Variants in GNG12 observed in about 807,000 individuals in gnomAD.
The protein encoded by GNG12 is guanine nucleotide-binding protein G(I)/G(S)/G(O) subunit gamma-12.
For synonymous variants in GNG12, 28 were observed against 29.7 expected, an observed-to-expected ratio of 0.94 and a Z score of 0.19; for missense variants, 69 against 83.8, an observed-to-expected ratio of 0.82 and a Z score of 0.69.
rs1646219330 is a variant in GNG12, at chr1:67,702,165, A to G, written c.*3286T>C. 6.6e-6 allele frequency: 1 copy of G among 152,222 alleles called. No homozygotes were observed. Among genetic ancestry groups the G allele is most frequent in the Non-Finnish European group, 1.5e-5 (1 of 68,050 alleles). 9.4% of individuals were successfully genotyped at this position (152,222 alleles called of 1,614,324 possible). A position where few individuals can be genotyped will look rare whatever the true frequency, so the allele number is the denominator to read the frequency against. On this transcript the variant is annotated 3_prime_UTR_variant, in exon 4 of 4. Transcript: ENST00000370982. ...CTCTATTTTAACATACAGATATAAG[A>G]TTCTATTTGATTTGATGTATTTTTT...
chr1:67,753,505 G>A lies in GNG12; in HGVS notation c.-27+23953C>T, dbSNP rs1037451580. Reference sequence around the variant, plus strand: ...GACTGGAGGAAATTTACTTCATAAAGTAAGGAGTGGTGGGCAGGCCAGCCA... The same window carrying A: ...GACTGGAGGAAATTTACTTCATAAAATAAGGAGTGGTGGGCAGGCCAGCCA... On this transcript the variant is annotated intron_variant, in intron 2 of 3. Transcript: ENST00000370982. Among the ~76,000 whole-genome samples the A allele has an allele frequency of 3.9e-5, 6 of 152,182 alleles. No homozygotes were observed. The South Asian group carries it at 1.2e-3, about 32-fold the overall frequency.
chr1:67,779,924 C>G (rs1364671656), intron 1 of GNG12, among the ~76,000 whole-genome samples: 1 of 152,076 alleles, frequency 6.6e-6, no homozygotes, highest in African/African-American at 2.4e-5. Context: ...CTGTAGGCAA[C>G]TATAACACAA....
chr1:67,705,974 T>C (rs898056624), intron 3 of GNG12, among the ~76,000 whole-genome samples: 23 of 152,202 alleles, frequency 1.5e-4, no homozygotes, highest in African/African-American at 4.8e-4. Context: ...AAAAATGGAC[T>C]GTGTGTGAGG....
chr1:67,760,324 T>C (rs891654059), intron 2 of GNG12, among the ~76,000 whole-genome samples: 4 of 152,228 alleles, frequency 2.6e-5, no homozygotes, highest in Admixed American at 6.5e-5. Flanking sequence ...GGTAACTAGC[T>C]TCCAATAACT....
chr1:67,717,506 ACT>A (rs1209673629), intron 2 of GNG12, among the ~76,000 whole-genome samples: 1 of 146,700 alleles, frequency 6.8e-6, no homozygotes, highest in Non-Finnish European at 1.5e-5. Context: ...ACAAAGTGAG[ACT>A]CTGTCAAAAA....
At chr1:67,798,030 A>G (rs1208530948) in intron 1 of GNG12, among the ~76,000 whole-genome samples, 2 of 152,060 alleles carry the variant, frequency 1.3e-5, no homozygotes, top group African/African-American at 4.8e-5. Context: ...TTTTGCTCCC[A>G]TGTTCAAGAA....
intron 2 of GNG12, among the ~76,000 whole-genome samples, chr1:67,740,836 A>T (rs1374776099): frequency 6.6e-6 from 1 of 152,158 alleles, no homozygotes; most frequent in Non-Finnish European, 1.5e-5. Flanking sequence ...CAGACATCGA[A>T]TCTGCTAGAG....
At chr1:67,814,346 G>C (rs1427335412) in intron 1 of GNG12, among the ~76,000 whole-genome samples, 1 of 152,078 alleles carries the variant, frequency 6.6e-6, no homozygotes, top group African/African-American at 2.4e-5. Context: ...CTTCCGCATT[G>C]TTTTCTGGTG....
At chr1:67,715,841 C>T (rs567334974) in intron 2 of GNG12, among the ~76,000 whole-genome samples, 3 of 152,358 alleles carry the variant, frequency 2.0e-5, no homozygotes, top group African/African-American at 7.2e-5. Flanking sequence ...GCTTTGTAAA[C>T]TGCAAATAAC....
At chr1:67,816,831 G>A (rs890649415) in intron 1 of GNG12, among the ~76,000 whole-genome samples, 2 of 152,152 alleles carry the variant, frequency 1.3e-5, no homozygotes, top group African/African-American at 4.8e-5. Flanking sequence ...AAGAGGTGTG[G>A]GGCTCTAACT....
At chr1:67,783,673 C>T (rs997199986) in intron 1 of GNG12, among the ~76,000 whole-genome samples, 4 of 152,154 alleles carry the variant, frequency 2.6e-5, no homozygotes, top group African/African-American at 9.7e-5. Flanking sequence ...ACAGACACTT[C>T]TCAAAAGAAG....
At chr1:67,740,939 T>C (rs1192579921) in intron 2 of GNG12, among the ~76,000 whole-genome samples, 1 of 152,226 alleles carries the variant, frequency 6.6e-6, no homozygotes, top group Non-Finnish European at 1.5e-5. Context: ...GTTACAACCA[T>C]GAATATGAAT....
intron 2 of GNG12, among the ~76,000 whole-genome samples, chr1:67,767,649 C>G (rs1646649076): frequency 6.6e-6 from 1 of 152,196 alleles, no homozygotes; most frequent in African/African-American, 2.4e-5. Context: ...TTTATCTAAA[C>G]ATAGTTTGTT....
chr1:67,728,763 A>G (rs1211030999), intron 2 of GNG12, among the ~76,000 whole-genome samples: 1 of 152,182 alleles, frequency 6.6e-6, no homozygotes, highest in East Asian at 1.9e-4. Context: ...AAGCAGAAAC[A>G]CATTCAGGAG....
chr1:67,718,618 A>G (rs1323101157), intron 2 of GNG12, among the ~76,000 whole-genome samples: 1 of 131,948 alleles, frequency 7.6e-6, no homozygotes, highest in African/African-American at 3.2e-5. Context: ...AACTTTCCCC[A>G]TTCTCCTGTC....
intron 2 of GNG12, among the ~76,000 whole-genome samples, chr1:67,735,481 G>C (rs1646447829): frequency 6.6e-6 from 1 of 152,186 alleles, no homozygotes; most frequent in African/African-American, 2.4e-5. Flanking sequence ...TGTGACTTTT[G>C]GAGTTGCTTA....
intron 2 of GNG12, among the ~76,000 whole-genome samples, chr1:67,736,138 C>T (rs1344898540): frequency 6.6e-6 from 1 of 152,106 alleles, no homozygotes; most frequent in Non-Finnish European, 1.5e-5. Flanking sequence ...CATACATCTG[C>T]CATTTCACTT....
chr1:67,818,945 C>G (rs938487638), intron 1 of GNG12, among the ~76,000 whole-genome samples: 3 of 152,126 alleles, frequency 2.0e-5, no homozygotes, highest in Admixed American at 1.3e-4. Context: ...TGTGAATCTT[C>G]ATTACTAGAC....
At chr1:67,785,604 GAT>G (rs1646763340) in intron 1 of GNG12, among the ~76,000 whole-genome samples, 1 of 152,136 alleles carries the variant, frequency 6.6e-6, no homozygotes, top group Non-Finnish European at 1.5e-5. Context: ...GTTTTACAGA[GAT>G]ATGGGAGAAG....
Sources: allele counts gnomAD v4.1 joint callset (sites outside exome capture counted in the v4.1 genomes callset), GRCh38; gene constraint gnomAD v4.1.1; transcripts MANE v1.5; gene names NCBI Gene and HGNC (gene_info 2026-07-23, HGNC 2026-07-21).